PSD3: variants seen among roughly 807,000 people sequenced by gnomAD.
PSD3 encodes PH and SEC7 domain-containing protein 3.
In PSD3, 49 loss-of-function variants were observed where a neutral mutation model predicts 105.5. The observed-to-expected ratio is 0.46, with a 90% confidence interval of 0.37 to 0.59. PSD3 has a LOEUF of 0.59. Ranked by LOEUF, PSD3 falls within the 20% of genes least tolerant of loss-of-function variation. The pLI is 0.00. For missense variants in PSD3, 1,561 were observed against 1,263.8 expected (o/e 1.24, Z -3.57); for synonymous variants, 557 against 457.8 (o/e 1.22, Z -2.77).
At chr8:18,787,787 C>G (rs1434032422) in intron 8 of PSD3, among the ~76,000 whole-genome samples, 2 of 152,118 alleles carry the variant, frequency 1.3e-5, no homozygotes, top group Non-Finnish European at 2.9e-5. Context: ...ATAAATTTAT[C>G]ATTTCTGGAA....
intron 3 of PSD3, 120 bp from the exon 4 acceptor site, chr8:18,868,189 A>G: frequency 8.7e-7 from 1 of 1,143,172 alleles, no homozygotes; most frequent in Non-Finnish European, 1.2e-6. Flanking sequence ...ATTGACTTAT[A>G]TCTTAACATA....
Position 18,888,606 on chromosome 8 carries a change from T to C in PSD3, c.131-15873A>G, listed in dbSNP as rs569856709. On this transcript the variant is annotated intron_variant, in intron 2 of 15. Coordinates refer to ENST00000327040, the MANE Select transcript of PSD3 (RefSeq NM_015310.4). ...TAAAAGCTCAAGGTTTTATTACTGA[T>C]ACTATAATCACTATGACTTTTAGTA... Among the ~76,000 whole-genome samples, 20 of 152,346 alleles carry C rather than the reference T, an allele frequency of 1.3e-4. No homozygotes were observed. The East Asian group carries it at 1.9e-3, about 15-fold the overall frequency.
At chr8:18,547,769 G>C (rs1800533167) in intron 15 of PSD3, among the ~76,000 whole-genome samples, 1 of 152,136 alleles carries the variant, frequency 6.6e-6, no homozygotes, top group African/African-American at 2.4e-5. Flanking sequence ...ATGTCTTGGT[G>C]AATTCCTCTT....
intron 4 of PSD3, among the ~76,000 whole-genome samples, chr8:18,829,374 C>A (rs929057354): frequency 2.6e-5 from 4 of 152,104 alleles, no homozygotes; most frequent in Admixed American, 2.6e-4. Flanking sequence ...TATCTAGTAA[C>A]CCAAGAATCT....
chr8:19,080,120 T>C (rs1024070537), intron 1 of PSD3, among the ~76,000 whole-genome samples: 1 of 152,154 alleles, frequency 6.6e-6, no homozygotes, highest in African/African-American at 2.4e-5. Context: ...GACTCCTGAC[T>C]TCAAATGATT....
intron 1 of PSD3, among the ~76,000 whole-genome samples, chr8:18,995,433 T>A (rs559804320): frequency 1.1e-4 from 16 of 152,194 alleles, no homozygotes; most frequent in African/African-American, 3.4e-4. Context: ...AATATATTGT[T>A]GTTCTGAGTC....
intron 1 of PSD3, among the ~76,000 whole-genome samples, chr8:19,069,070 G>A (rs554903760): frequency 3.1e-4 from 47 of 152,238 alleles, no homozygotes; most frequent in Non-Finnish European, 1.5e-5. Context: ...AGCTCACATA[G>A]GGCAAGTTGT....
rs1274133273 is a variant in PSD3 at position 18,654,818 on chromosome 8, C to CT, written c.2216+823dup. Among the ~76,000 whole-genome samples the CT allele has an allele frequency of 7.9e-5, 12 of 152,116 alleles. No individual in the cohort carries two copies. In the South Asian group the frequency reaches 2.1e-3, roughly 26 times the overall value. On this transcript the variant is annotated intron_variant, in intron 10 of 15. Transcript: ENST00000327040. Reference sequence around the variant, plus strand: ...CCCAAGCTTATTCCATTCAGAGAACCTTTTTTTGGTTGCTGTTGTTGTTTT... The same window carrying CT: ...CCCAAGCTTATTCCATTCAGAGAACCTTTTTTTTGGTTGCTGTTGTTGTTTT...
chr8:19,043,798 T>C (rs931951219), intron 1 of PSD3, among the ~76,000 whole-genome samples: 1 of 152,212 alleles, frequency 6.6e-6, no homozygotes, highest in African/African-American at 2.4e-5. Flanking sequence ...CCTTTGGTCT[T>C]GGACTTCCCA....
At chr8:18,889,086 G>A (rs1217969781) in intron 2 of PSD3, among the ~76,000 whole-genome samples, 1 of 151,734 alleles carries the variant, frequency 6.6e-6, no homozygotes, top group Non-Finnish European at 1.5e-5. Context: ...TATCGCATTA[G>A]GCTTTAGTTA....
intron 9 of PSD3, among the ~76,000 whole-genome samples, chr8:18,752,606 ATAATACAT>A (rs1163103796): frequency 2.4e-5 from 2 of 84,314 alleles, no homozygotes; most frequent in Non-Finnish European, 4.1e-5. Flanking sequence ...TATATTATAT[ATAATACAT>A]ATAATATATA....
chr8:18,897,991 T>A (rs1819260272), intron 2 of PSD3, among the ~76,000 whole-genome samples: 1 of 152,194 alleles, frequency 6.6e-6, no homozygotes, highest in African/African-American at 2.4e-5. Flanking sequence ...AAAGTGGTCA[T>A]TCTTGTCTTG....
chr8:18,741,798 A>T (rs1356975977), intron 9 of PSD3, among the ~76,000 whole-genome samples: 3 of 29,864 alleles, frequency 1.0e-4, no homozygotes, highest in East Asian at 1.3e-3. Flanking sequence ...TTTATTGTAA[A>T]AAAAAAAAAA....
In PSD3 at chr8:18,845,730, C is replaced by T. The variant is rs373420985; in HGVS notation, c.1634+21944G>A. Among the ~76,000 whole-genome samples, 122 of 152,138 alleles carry T rather than the reference C, an allele frequency of 8.0e-4. 2 individuals are homozygous for T. The South Asian group carries it at 0.024, about 30-fold the overall frequency. ...AGCAGGAGGATCATTTGAGGCCGGT[C>T]GTTGGAGACCAGCCAGAACAACATA... On this transcript the variant is annotated intron_variant, in intron 4 of 15. Coordinates refer to ENST00000327040, the MANE Select transcript of PSD3 (RefSeq NM_015310.4).
chr8:18,872,794 T>C (rs994096189), intron 2 of PSD3, 61 bp from the exon 3 acceptor site: 109 of 1,433,954 alleles, frequency 7.6e-5, no homozygotes, highest in Non-Finnish European at 9.5e-5. Flanking sequence ...CAGTAGGTAA[T>C]AATGCATATT....
intron 4 of PSD3, among the ~76,000 whole-genome samples, chr8:18,822,236 G>T (rs1403976298): frequency 6.6e-6 from 1 of 152,138 alleles, no homozygotes; most frequent in Non-Finnish European, 1.5e-5. Flanking sequence ...GGGGCCATGG[G>T]AAGGTCTTGT....
intron 9 of PSD3, among the ~76,000 whole-genome samples, chr8:18,752,010 A>G (rs1805532580): frequency 7.2e-6 from 1 of 138,042 alleles, no homozygotes; most frequent in Admixed American, 7.0e-5. Flanking sequence ...CCCTGTCTCT[A>G]CTAAAAATAC....
chr8:18,779,034 G>T (rs921109234), intron 8 of PSD3, among the ~76,000 whole-genome samples: 2 of 151,992 alleles, frequency 1.3e-5, no homozygotes, highest in Admixed American at 6.5e-5. Context: ...ACTGATGTTA[G>T]ATCTTCTTTG....
At chr8:18,634,589 G>A (rs2410592) in intron 10 of PSD3, among the ~76,000 whole-genome samples, 65,404 of 151,754 alleles carry the variant, frequency 0.43, 14,646 homozygotes, top group African/African-American at 0.54. Context: ...TCTCTTTAGC[G>A]TCTTCCAGTC....
Sources: gnomAD v4.1 joint callset for allele counts (sites outside exome capture counted in the v4.1 genomes callset) on GRCh38, gnomAD v4.1.1 for gene constraint, MANE v1.5 for transcripts, NCBI Gene and HGNC (gene_info 2026-07-23, HGNC 2026-07-21) for gene names.